MIER2: variants seen among roughly 807,000 people sequenced by gnomAD.
MIER2 encodes mesoderm induction early response protein 2.
MIER2 carries 30 observed loss-of-function variants against 67.6 expected under a neutral mutation model. That is an observed-to-expected ratio of 0.44 (90% CI 0.33 to 0.60). The LOEUF (loss-of-function observed/expected upper bound fraction) is 0.60, where lower values mean the gene tolerates loss of function less well. Among genes scored for constraint, MIER2 ranks in the 20% least tolerant of loss-of-function variants. The probability of loss-of-function intolerance (pLI) is 0.02; values close to 1 mark genes in which losing one functional copy is unlikely to be tolerated. For synonymous variants in MIER2, 372 were observed against 312.6 expected, an observed-to-expected ratio of 1.19 and a Z score of -2.00; for missense variants, 702 against 745.1, an observed-to-expected ratio of 0.94 and a Z score of 0.67.
In MIER2 at chr19:308,214, C is replaced by G. The variant is rs1970753216; in HGVS notation, c.1198+363G>C. The stretch of plus-strand genomic sequence containing the variant: ...AGATCCTGGCGACGGCTCCGGACAC[C>G]CTGTCCTTCCTGAGTGTCCTGGTGA... On this transcript the variant is annotated intron_variant, in intron 12 of 13. Coordinates refer to ENST00000264819, the MANE Select transcript of MIER2 (RefSeq NM_017550.3). The surrounding 1 kb of genome is among the most constrained non-coding windows in gnomAD (Gnocchi z 9.1). Among the ~76,000 whole-genome samples the G allele has an allele frequency of 6.6e-6, 1 of 152,196 alleles. No individual in the cohort carries two copies. The highest frequency in any genetic ancestry group is 6.5e-5 in the Admixed American group (1 of 15,280).
chr19:325,719 C>G lies in MIER2; in HGVS notation c.586-15G>C. ...ACCATGATCTCCTGCAAAGCAAGCA[C>G]CTGGGAATCAGGACACTGAGGAGCA... On this transcript the variant is annotated splice_polypyrimidine_tract_variant and intron_variant, in intron 6 of 13. Transcript: ENST00000264819. 6.2e-7 allele frequency: 1 copy of G among 1,614,188 alleles called. No individual in the cohort carries two copies. Among genetic ancestry groups the G allele is most frequent in the Non-Finnish European group, 8.5e-7 (1 of 1,180,026 alleles).
intron 7 of MIER2, among the ~76,000 whole-genome samples, chr19:323,359 C>T (rs917590163): frequency 1.3e-4 from 19 of 146,130 alleles, no homozygotes; most frequent in Non-Finnish European, 2.7e-4. Flanking sequence ...GACATCATCA[C>T]AATGCAGTAA....
intron 7 of MIER2, among the ~76,000 whole-genome samples, chr19:318,497 G>A (rs966225272): frequency 1.1e-4 from 17 of 152,132 alleles, no homozygotes; most frequent in Non-Finnish European, 2.4e-4. Flanking sequence ...CACAATCAGA[G>A]GAGGTCATTA....
intron 3 of MIER2, among the ~76,000 whole-genome samples, chr19:328,364 A>G (rs559918960): frequency 2.0e-5 from 3 of 152,248 alleles, no homozygotes; most frequent in Admixed American, 1.3e-4. Flanking sequence ...TCAATATATT[A>G]AAGGGGAAAA....
At chr19:328,610 T>G (rs1046613642) in intron 3 of MIER2, among the ~76,000 whole-genome samples, 1 of 152,080 alleles carries the variant, frequency 6.6e-6, no homozygotes, top group African/African-American at 2.4e-5. Flanking sequence ...TAGCTGTGCT[T>G]GGTGGCATCC....
intron 7 of MIER2, among the ~76,000 whole-genome samples, chr19:316,011 G>A (rs749514004): frequency 2.6e-4 from 40 of 152,224 alleles, no homozygotes; most frequent in Non-Finnish European, 4.8e-4. Context: ...CAACAGAAAC[G>A]ATGACAGCCA....
chr19:336,133 C>T lies in MIER2; in HGVS notation c.50G>A (p.Cys17Tyr). 10 of 1,613,864 alleles carry T rather than the reference C, an allele frequency of 6.2e-6. No homozygotes were observed. Among genetic ancestry groups the T allele is most frequent in the Non-Finnish European group, 8.5e-6 (10 of 1,179,892 alleles). Residue 17 changes from cysteine to tyrosine, a missense_variant, in exon 2 of 14, where the codon TGC becomes TAC. Coordinates refer to ENST00000264819, the MANE Select transcript of MIER2 (RefSeq NM_017550.3). Reference sequence around the variant, plus strand: ...CCCTGGGCACAGGCTGTGCTCGAGGCAGGAGACCACGCGAGGACTCTGCCT... The same window carrying T: ...CCCTGGGCACAGGCTGTGCTCGAGGTAGGAGACCACGCGAGGACTCTGCCT... ...LGRQSPRVVS[C>Y]LEHSLCPGEP...
chr19:335,069 T>C (rs896928416), intron 2 of MIER2, among the ~76,000 whole-genome samples: 1 of 152,350 alleles, frequency 6.6e-6, no homozygotes, highest in African/African-American at 2.4e-5. Context: ...GCGATGTACA[T>C]GGCCCAACAG....
chr19:336,207 G>T, intron 1 of MIER2, 34 bp from the exon 2 acceptor site: 1 of 1,574,258 alleles, frequency 6.4e-7, no homozygotes, highest in Non-Finnish European at 8.7e-7. Flanking sequence ...TAGCTCGGCC[G>T]GCCCAAAACC....
chr19:325,597 G>A, intron 7 of MIER2, 38 bp downstream of exon 7: 3 of 1,612,814 alleles, frequency 1.9e-6, no homozygotes, highest in Non-Finnish European at 2.5e-6. Flanking sequence ...TCCCCTTGCA[G>A]AAGTGGGTTT....
chr19:328,752 TA>T (rs953378358), intron 3 of MIER2, among the ~76,000 whole-genome samples: 1 of 150,038 alleles, frequency 6.7e-6, no homozygotes, highest in Admixed American at 6.6e-5. Context: ...TGTCTCAAAA[TA>T]AAAAAAAAGA....
intron 7 of MIER2, among the ~76,000 whole-genome samples, chr19:323,960 G>A (rs1971612907): frequency 6.7e-6 from 1 of 149,070 alleles, no homozygotes; most frequent in African/African-American, 2.5e-5. Context: ...CAACCACACA[G>A]ACGACTCGAA....
intron 7 of MIER2, among the ~76,000 whole-genome samples, chr19:315,364 TCAAA>T (rs532117991): frequency 5.3e-4 from 81 of 152,294 alleles, no homozygotes; most frequent in Middle Eastern, 3.4e-3. Context: ...AGACTCCGTC[TCAAA>T]CAAACAAACA....
At chr19:320,101 G>A (rs1213359064) in intron 7 of MIER2, among the ~76,000 whole-genome samples, 1 of 152,146 alleles carries the variant, frequency 6.6e-6, no homozygotes, top group Admixed American at 6.5e-5. Context: ...CAGGCCGGGT[G>A]CAGTGGCTCA....
intron 3 of MIER2, among the ~76,000 whole-genome samples, chr19:331,925 G>A (rs1016338394): frequency 1.3e-5 from 2 of 150,930 alleles, no homozygotes; most frequent in Non-Finnish European, 3.0e-5. Flanking sequence ...AGGATGCAGT[G>A]AGCCAAGATC....
intron 3 of MIER2, chr19:330,301 C>T (rs1421125767): frequency 6.6e-6 from 1 of 152,060 alleles, no homozygotes; most frequent in Non-Finnish European, 1.5e-5. Flanking sequence ...AATCCCAGCA[C>T]TTTGGAAGGC....
intron 10 of MIER2, among the ~76,000 whole-genome samples, chr19:310,137 G>A (rs1021583538): frequency 1.3e-5 from 2 of 152,314 alleles, no homozygotes; most frequent in Admixed American, 6.5e-5. Flanking sequence ...CGCACACCTG[G>A]CAACACCTCC....
At chr19:309,313 A>C (rs987782010) in intron 10 of MIER2, among the ~76,000 whole-genome samples, 2 of 151,994 alleles carry the variant, frequency 1.3e-5, no homozygotes, top group African/African-American at 4.8e-5. Context: ...TGCTTCTCAC[A>C]GGCCCGGGGT....
chr19:342,325 C>T (rs188479251), intron 1 of MIER2, among the ~76,000 whole-genome samples: 1 of 152,180 alleles, frequency 6.6e-6, no homozygotes, highest in Non-Finnish European at 1.5e-5. Context: ...ATGTATGGTA[C>T]CGAGAAGAGA....
Sources: gnomAD v4.1 joint callset for allele counts (sites outside exome capture counted in the v4.1 genomes callset) on GRCh38, gnomAD v4.1.1 for gene constraint, Gnocchi (gnomAD v3.1) non-coding constraint, MANE v1.5 for transcripts, NCBI Gene and HGNC (gene_info 2026-07-23, HGNC 2026-07-21) for gene names.